The following RNF213 variants were observed in gnomAD, a reference collection of about 807,000 sequenced individuals.
RNF213 encodes the protein ring finger protein 213.
Under a neutral mutation model 514.4 loss-of-function variants are expected in RNF213, and 341 were observed. That is an observed-to-expected ratio of 0.66 (90% CI 0.61 to 0.73). RNF213 has a LOEUF of 0.73. Among genes scored for constraint, RNF213 ranks in the 30% least tolerant of loss-of-function variants. The probability of loss-of-function intolerance (pLI) is 0.00; values close to 1 mark genes in which losing one functional copy is unlikely to be tolerated. For synonymous variants in RNF213, 2,655 were observed against 2,658.2 expected (o/e 1.00, Z 0.04); for missense variants, 5,767 against 6,615.6 (o/e 0.87, Z 4.45).
chr17:80,386,400 C>T lies in RNF213; in HGVS notation c.14690C>T (p.Ala4897Val). The change falls in exon 62 of 68, where the codon GCC becomes GTC. Residue 4897 changes from alanine to valine, a missense_variant. Coordinates refer to ENST00000582970, the MANE Select transcript of RNF213 (RefSeq NM_001256071.3). ...CGCCTACACAATGAAATTGTCTACG[C>T]CGTGGAAAAACTCTCCAAGGAAAAC... Reference protein sequence around the residue: ...LIRLHNEIVYAVEKLSKENNS... With the variant: ...LIRLHNEIVYVVEKLSKENNS... 1 of 1,614,164 alleles carries T rather than the reference C, an allele frequency of 6.2e-7. No individual in the cohort carries two copies. The highest frequency in any genetic ancestry group is 2.2e-5 in the East Asian group (1 of 44,870).
At chr17:80,267,230 GA>G (rs553350644) in intron 2 of RNF213, among the ~76,000 whole-genome samples, 4 of 149,036 alleles carry the variant, frequency 2.7e-5, no homozygotes, top group African/African-American at 7.4e-5. Flanking sequence ...AAAAAAAAAA[GA>G]AAAAAAAGAG....
chr17:80,393,429 A>G lies in RNF213; in HGVS notation c.15555A>G (p.Ile5185Met), dbSNP rs1280785172. Reference protein sequence around the residue: ...PEMASQFPEEILLASCVSVWK... With the variant: ...PEMASQFPEEMLLASCVSVWK... ...TGGCATCTCAGTTCCCAGAAGAGAT[A>G]CTGCTCGCCAGCTGTGTCTCAGTGT... is the stretch of plus-strand genomic sequence containing the variant. The change falls in exon 68 of 68, where the codon ATA becomes ATG. Residue 5185 changes from isoleucine to methionine, a missense_variant. This residue lies in a region of RNF213 where 1,245 missense variants were observed against 1,339.0 expected (regional missense o/e 0.93). Transcript: ENST00000582970. 5 of 1,614,212 alleles carry G rather than the reference A, an allele frequency of 3.1e-6. No homozygotes were observed. The highest frequency in any genetic ancestry group is 4.2e-6 in the Non-Finnish European group (5 of 1,179,996).
intron 3 of RNF213, chr17:80,278,708 A>G: frequency 6.6e-7 from 1 of 1,526,196 alleles, no homozygotes; most frequent in South Asian, 1.2e-5. Context: ...AGTCTACTGG[A>G]GCTGTGCGTG....
rs112433476 is a variant in RNF213, at chr17:80,291,582, C to T, written c.1272-46C>T. The T allele has an allele frequency of 1.1e-4, 167 of 1,584,296 alleles. 1 individual carries two copies. Among genetic ancestry groups the T allele is most frequent in the African/African-American group, 7.9e-4 (59 of 74,406 alleles). ...TACGTTTGAGAATAACTAAAATTTC[C>T]GGGGTAGGAATTTTGGATAGCCAAC... On this transcript the variant is annotated intron_variant, in intron 7 of 67. Transcript: ENST00000582970.
Position 80,367,756 on chromosome 17 carries a change from A to G in RNF213, c.11880A>G (p.Arg3960=), listed in dbSNP as rs776537299. The change falls in exon 43 of 68, where the codon CGA becomes CGG. Residue 3960 remains arginine, a synonymous_variant. Coordinates refer to ENST00000582970, the MANE Select transcript of RNF213 (RefSeq NM_001256071.3). ...TCCCTGCCTTTCTTCAGTGTCTTCG[A>G]GAGAACTCTGACGTGAAGACGCACG... is the stretch of plus-strand genomic sequence containing the variant. ...EHVFLLDKCL[R]ENSDVKTHGP... The G allele has an allele frequency of 1.2e-6, 2 of 1,613,962 alleles. No individual in the cohort carries two copies. The highest frequency in any genetic ancestry group is 1.7e-6 in the Non-Finnish European group (2 of 1,179,862).
intron 11 of RNF213, among the ~76,000 whole-genome samples, chr17:80,300,899 C>CT (rs150190113): frequency 6.6e-6 from 1 of 152,058 alleles, no homozygotes; most frequent in African/African-American, 2.4e-5. Flanking sequence ...TGATGTTGAG[C>CT]TTTTTTTCAT....
At chr17:80,358,685 T>C (rs1599120024) in intron 37 of RNF213, among the ~76,000 whole-genome samples, 1 of 152,004 alleles carries the variant, frequency 6.6e-6, no homozygotes, top group Non-Finnish European at 1.5e-5. Flanking sequence ...CCGAGGCAGG[T>C]GGATCATGAG....
intron 67 of RNF213, among the ~76,000 whole-genome samples, chr17:80,390,865 C>G (rs79226410): frequency 6.6e-6 from 1 of 152,046 alleles, no homozygotes; most frequent in Non-Finnish European, 1.5e-5. Context: ...GAGTTCAAGA[C>G]CAGCCTGGCC....
At position 80,361,290 on chromosome 17, in the gene RNF213, C is replaced by T. The variant is rs183866854; in HGVS notation, c.11201-444C>T. Among the ~76,000 whole-genome samples, 125 of 152,232 alleles carry T rather than the reference C, an allele frequency of 8.2e-4. 1 individual carries two copies. The highest frequency in any genetic ancestry group is 2.3e-3 in the East Asian group (12 of 5,162). On this transcript the variant is annotated intron_variant, in intron 38 of 67. Coordinates refer to ENST00000582970, the MANE Select transcript of RNF213 (RefSeq NM_001256071.3). ...TCACAACACCTTGGGAGGCCAAGGC[C>T]GGCAGATCACCTGAGGTCAGGAGTT...
chr17:80,298,586 GTCCCGGTGGGC>G, intron 11 of RNF213, 68 bp downstream of exon 11: 1 of 1,550,396 alleles, frequency 6.4e-7, no homozygotes, highest in Non-Finnish European at 8.9e-7. Flanking sequence ...TGCACCCGGA[GTCCCGGTGGGC>G]TCTGCAGTGA....
At chr17:80,321,697 G>T (rs2046140846) in intron 17 of RNF213, among the ~76,000 whole-genome samples, 2 of 152,090 alleles carry the variant, frequency 1.3e-5, no homozygotes, top group South Asian at 4.1e-4. Context: ...TAGCCATCCT[G>T]GTGGGTATGA....
At chr17:80,351,918 G>T in intron 32 of RNF213, 115 bp downstream of exon 32, 1 of 635,772 alleles carries the variant, frequency 1.6e-6, no homozygotes, top group Non-Finnish European at 2.9e-6. Context: ...GCAGTGGCGC[G>T]ATCTCAGCTC....
At position 80,264,883 on chromosome 17, in the gene RNF213, C is replaced by T. The variant is rs1377773941; in HGVS notation, c.97+1105C>T. On this transcript the variant is annotated intron_variant, in intron 2 of 67. Coordinates refer to ENST00000582970, the MANE Select transcript of RNF213 (RefSeq NM_001256071.3). The surrounding 1 kb of genome is among the most constrained non-coding windows in gnomAD (Gnocchi z 5.0). ...ACCACCTTCTGGCCCTTCCTGGATA[C>T]ACCAGGTGTGCTTCCACCGCAGGGC... 3.9e-5 allele frequency among the ~76,000 whole-genome samples: 6 copies of T among 152,196 alleles called. No individual in the cohort carries two copies. The highest frequency in any genetic ancestry group is 8.8e-5 in the Non-Finnish European group (6 of 68,022).
intron 64 of RNF213, 123 bp downstream of exon 64, chr17:80,388,812 C>T: frequency 3.6e-6 from 3 of 823,700 alleles, no homozygotes; most frequent in Non-Finnish European, 6.4e-6. Flanking sequence ...TTTCTGCGGC[C>T]TCCCTTACAG....
chr17:80,315,265 A>T (rs868434842), intron 15 of RNF213, among the ~76,000 whole-genome samples: 1 of 15,470 alleles, frequency 6.5e-5, no homozygotes, highest in African/African-American at 4.0e-4. Context: ...GTGATGGTGG[A>T]GGTAATGGAG....
rs114816446 is a variant in RNF213 at position 80,346,483 on chromosome 17, C to T, written c.8148C>T (p.Asp2716=). 666 of 1,613,852 alleles carry T rather than the reference C, an allele frequency of 4.1e-4. 2 individuals are homozygous for T. In the African/African-American group the frequency reaches 6.7e-3, roughly 16 times the overall value. ...CCAGGTTCTTTCCGAAACCGTATGACGACAGCAGGCTGCTTCTGGATGAAA... is the reference window on the plus strand; with the variant it reads ...CCAGGTTCTTTCCGAAACCGTATGATGACAGCAGGCTGCTTCTGGATGAAA... ...AIARFFPKPY[D]DSRLLLDEIT... is the part of the protein sequence containing the mutation. The change falls in exon 29 of 68, where the codon GAC becomes GAT. Residue 2716 remains aspartate, a synonymous_variant. Coordinates refer to ENST00000582970, the MANE Select transcript of RNF213 (RefSeq NM_001256071.3). The surrounding 1 kb of genome is among the most constrained non-coding windows in gnomAD (Gnocchi z 8.1).
chr17:80,301,693 T>C (rs1310406354), intron 11 of RNF213, among the ~76,000 whole-genome samples: 1 of 152,196 alleles, frequency 6.6e-6, no homozygotes, highest in Non-Finnish European at 1.5e-5. Context: ...TGTAGGAATG[T>C]AAATTAGTAC....
At chr17:80,319,485 C>T in intron 17 of RNF213, 173 bp downstream of exon 17, 1 of 1,614,042 alleles carries the variant, frequency 6.2e-7, no homozygotes, top group African/African-American at 1.3e-5. Flanking sequence ...ATCTAGTTCT[C>T]TCCGGATTCC....
chr17:80,386,566 C>G, intron 62 of RNF213, 124 bp from the exon 63 acceptor site: 1 of 1,406,512 alleles, frequency 7.1e-7, no homozygotes. Context: ...AGTGACCCGC[C>G]CCATACTTGG....
Sources: allele counts gnomAD v4.1 joint callset (sites outside exome capture counted in the v4.1 genomes callset), GRCh38; gene constraint gnomAD v4.1.1; regional missense constraint gnomAD v4.1.1; non-coding constraint Gnocchi (gnomAD v3.1); transcripts MANE v1.5; gene names NCBI Gene and HGNC (gene_info 2026-07-23, HGNC 2026-07-21).